The following GALNT14 variants were observed in gnomAD, a reference collection of about 807,000 sequenced individuals.
GALNT14 encodes UDP-GalNAc:polypeptide N-acetylgalactosaminyltransferase 14.
In GALNT14, 60 loss-of-function variants were observed where a neutral mutation model predicts 77.5. The ratio of observed to expected loss-of-function variants is 0.77; its 90% confidence interval spans 0.63 to 0.96. GALNT14 has a LOEUF of 0.96. Ranked by LOEUF, GALNT14 falls within the 40% of genes least tolerant of loss-of-function variation. The probability of loss-of-function intolerance (pLI) is 0.00; values close to 1 mark genes in which losing one functional copy is unlikely to be tolerated. For synonymous variants in GALNT14, 280 were observed against 281.7 expected, an observed-to-expected ratio of 0.99 and a Z score of 0.06; for missense variants, 710 against 731.0, an observed-to-expected ratio of 0.97 and a Z score of 0.33.
chr2:30,952,446 T>G (rs1350963891), intron 6 of GALNT14, among the ~76,000 whole-genome samples: 3 of 151,368 alleles, frequency 2.0e-5, no homozygotes, highest in Non-Finnish European at 2.9e-5. Context: ...AATGATGAGT[T>G]CATGTCCTTT....
At chr2:30,977,092 CTTTT>C (rs11314175) in intron 2 of GALNT14, among the ~76,000 whole-genome samples, 1 of 135,124 alleles carries the variant, frequency 7.4e-6, no homozygotes, top group Admixed American at 7.3e-5. Context: ...GCTTTTCTGT[CTTTT>C]TTTTTTTTTT....
chr2:30,897,864 C>G, the GALNT14 span, among the ~76,000 whole-genome samples: 2 of 152,200 alleles, frequency 1.3e-5, no homozygotes, highest in South Asian at 4.1e-4. Flanking sequence ...TGATCTTAAC[C>G]TGTTTGGGAC....
chr2:31,120,396 G>C (rs917104634), intron 1 of GALNT14, among the ~76,000 whole-genome samples: 13 of 152,176 alleles, frequency 8.5e-5, no homozygotes, highest in African/African-American at 2.4e-4. Context: ...TATCTCAAAG[G>C]GGGTGAAGCA....
chr2:30,999,075 C>T (rs755221933), intron 1 of GALNT14, among the ~76,000 whole-genome samples: 16 of 152,152 alleles, frequency 1.1e-4, no homozygotes, highest in African/African-American at 1.9e-4. Context: ...TGCAAGAAGG[C>T]GGGGATGTGC....
chr2:30,939,976 T>G (rs930008526), intron 9 of GALNT14, among the ~76,000 whole-genome samples: 1 of 148,108 alleles, frequency 6.8e-6, no homozygotes, highest in Admixed American at 6.7e-5. Flanking sequence ...GGAAAAGCAC[T>G]GCATTTTCTG....
chr2:31,064,640 C>T (rs1674818273), intron 1 of GALNT14, among the ~76,000 whole-genome samples: 2 of 152,098 alleles, frequency 1.3e-5, no homozygotes, highest in Admixed American at 6.5e-5. Context: ...TCGCTGATTT[C>T]GGCTGGGCTG....
chr2:30,947,308 T>C (rs1361471709), intron 6 of GALNT14, among the ~76,000 whole-genome samples: 2 of 152,212 alleles, frequency 1.3e-5, no homozygotes, highest in Admixed American at 6.5e-5. Flanking sequence ...TAGCATAGCA[T>C]CCCAGACCAT....
intron 1 of GALNT14, among the ~76,000 whole-genome samples, chr2:31,094,340 C>T (rs557969794): frequency 2.0e-5 from 3 of 152,212 alleles, no homozygotes; most frequent in African/African-American, 4.8e-5. Flanking sequence ...AATGATAATC[C>T]CACCCTTTGC....
At chr2:31,059,048 G>A (rs566707436) in intron 1 of GALNT14, among the ~76,000 whole-genome samples, 1 of 152,246 alleles carries the variant, frequency 6.6e-6, no homozygotes, top group Non-Finnish European at 1.5e-5. Context: ...TTGAGTGTCT[G>A]TGGTTTCAAT....
At chr2:31,084,658 A>C (rs749711) in intron 1 of GALNT14, among the ~76,000 whole-genome samples, 80,519 of 152,026 alleles carry the variant, frequency 0.53, 22,107 homozygotes, top group African/African-American at 0.67. Flanking sequence ...GCCTAATGCA[A>C]GTCATTTAAC....
chr2:30,912,443 A>T, intron 13 of GALNT14, 101 bp from the exon 14 acceptor site: 1 of 1,361,236 alleles, frequency 7.3e-7, no homozygotes, highest in Non-Finnish European at 1.0e-6. Flanking sequence ...GGCTGGTAAG[A>T]AGCACCAAGG....
the GALNT14 span, among the ~76,000 whole-genome samples, chr2:30,902,213 G>A: frequency 6.6e-6 from 1 of 152,078 alleles, no homozygotes. Context: ...TCGAACTGGT[G>A]GAGGTTCAGA....
chr2:30,960,719 C>A (rs1248881229), intron 3 of GALNT14, among the ~76,000 whole-genome samples: 2 of 151,986 alleles, frequency 1.3e-5, no homozygotes, highest in Non-Finnish European at 2.9e-5. Flanking sequence ...CCAGGGCCCT[C>A]CCTCATGCAC....
At position 31,070,109 on chromosome 2, in the gene GALNT14, G is replaced by A. The variant is rs893609010; in HGVS notation, c.129+67849C>T. On this transcript the variant is annotated intron_variant, in intron 1 of 14. Coordinates refer to ENST00000349752, the MANE Select transcript of GALNT14 (RefSeq NM_024572.4). ...GAAGAAGCCAGAAGCCACCACTGGA[G>A]TGATGTCCCAGGAAGCTCACTACCT... Among the ~76,000 whole-genome samples, 3 of 152,168 alleles carry A rather than the reference G, an allele frequency of 2.0e-5. No individual in the cohort carries two copies. The South Asian group carries it at 6.2e-4, about 32-fold the overall frequency.
chr2:30,944,990 G>C, intron 7 of GALNT14, 48 bp from the exon 8 acceptor site: 1 of 1,496,330 alleles, frequency 6.7e-7, no homozygotes, highest in Non-Finnish European at 9.1e-7. Flanking sequence ...AAAAGCACTT[G>C]CTCATTCTGC....
intron 1 of GALNT14, among the ~76,000 whole-genome samples, chr2:31,051,554 C>T (rs564901182): frequency 9.9e-4 from 150 of 152,280 alleles, no homozygotes; most frequent in African/African-American, 3.4e-3. Context: ...GCCTGCTAGC[C>T]GGACCTTTGG....
intron 1 of GALNT14, among the ~76,000 whole-genome samples, chr2:31,060,036 A>ACTAGATAC (rs1394971387): frequency 2.0e-5 from 3 of 152,230 alleles, no homozygotes; most frequent in African/African-American, 7.2e-5. Flanking sequence ...CGCTCCCTGC[A>ACTAGATAC]CTAGATACAT....
intron 1 of GALNT14, among the ~76,000 whole-genome samples, chr2:31,051,492 T>C (rs1436305358): frequency 1.3e-5 from 2 of 152,204 alleles, no homozygotes; most frequent in Non-Finnish European, 2.9e-5. Flanking sequence ...TTGCCAGGCC[T>C]GCCCTACAGA....
intron 1 of GALNT14, among the ~76,000 whole-genome samples, chr2:31,022,381 T>G (rs1573181056): frequency 6.6e-6 from 1 of 151,506 alleles, no homozygotes. Flanking sequence ...GGCTTGGGGG[T>G]CAGCCTTCCC....
Sources: allele counts gnomAD v4.1 joint callset (sites outside exome capture counted in the v4.1 genomes callset), GRCh38; gene constraint gnomAD v4.1.1; transcripts MANE v1.5; gene names NCBI Gene and HGNC (gene_info 2026-07-23, HGNC 2026-07-21).